The following PACRG variants were observed in gnomAD, a reference collection of about 807,000 sequenced individuals.
PACRG encodes parkin coregulated gene protein.
In PACRG, 29 loss-of-function variants were observed where a neutral mutation model predicts 29.7. The ratio of observed to expected loss-of-function variants is 0.98; its 90% CI spans 0.73 to 1.33. PACRG has a LOEUF of 1.33. PACRG is among the 40% of genes most tolerant of loss of function. The pLI, the probability that PACRG is intolerant of heterozygous loss-of-function variation, is 0.00. For missense variants in PACRG, 279 were observed against 316.2 expected (o/e 0.88, Z 0.89); for synonymous variants, 116 against 118.7 (o/e 0.98, Z 0.15).
At chr6:162,824,482 G>A (rs778601967) in intron 2 of PACRG, among the ~76,000 whole-genome samples, 6 of 152,086 alleles carry the variant, frequency 3.9e-5, no homozygotes, top group Non-Finnish European at 8.8e-5. Flanking sequence ...TTTTCTGCCT[G>A]CACATTTGTT....
Position 162,814,241 on chromosome 6 carries a change from C to T in PACRG, c.251C>T (p.Ala84Val). 6.2e-6 allele frequency: 10 copies of T among 1,613,910 alleles called. No individual in the cohort carries two copies. The highest frequency in any genetic ancestry group is 8.5e-6 in the Non-Finnish European group (10 of 1,179,888). Residue 84 changes from alanine to valine, a missense_variant, in exon 2 of 5, where the codon GCC becomes GTC. Coordinates refer to ENST00000366888, the MANE Select transcript of PACRG (RefSeq NM_001080379.2). ...KFYERGDFPI[A>V]LEHDSKGNKI... The stretch of plus-strand genomic sequence containing the variant: ...TATGAGCGAGGTGACTTCCCAATTG[C>T]CCTTGAGCATGATTCGAAAGGAAAC...
At chr6:163,311,586 A>AC (rs1315556695) in intron 4 of PACRG, among the ~76,000 whole-genome samples, 1 of 152,170 alleles carries the variant, frequency 6.6e-6, no homozygotes, top group Non-Finnish European at 1.5e-5. Context: ...ACATAGTTAG[A>AC]CCCCAAACCG....
At chr6:162,772,168 A>G (rs1447525455) in intron 1 of PACRG, among the ~76,000 whole-genome samples, 1 of 152,246 alleles carries the variant, frequency 6.6e-6, no homozygotes, top group Non-Finnish European at 1.5e-5. Context: ...AATACTGTGT[A>G]GGCATGACAG....
chr6:163,038,630 G>A (rs754626839), intron 2 of PACRG, among the ~76,000 whole-genome samples: 3 of 152,146 alleles, frequency 2.0e-5, no homozygotes, highest in Non-Finnish European at 4.4e-5. Context: ...TCATGAATTG[G>A]TATGAAATGT....
At chr6:162,758,079 A>G (rs762268623) in intron 1 of PACRG, among the ~76,000 whole-genome samples, 4 of 152,188 alleles carry the variant, frequency 2.6e-5, no homozygotes, top group Non-Finnish European at 5.9e-5. Context: ...TATTAATTTT[A>G]TGGATGGAAA....
intron 2 of PACRG, among the ~76,000 whole-genome samples, chr6:162,821,957 G>A (rs1180837716): frequency 6.6e-6 from 1 of 152,190 alleles, no homozygotes; most frequent in African/African-American, 2.4e-5. Context: ...CCTTTGAGTA[G>A]TCAAAGTATC....
chr6:163,149,131 C>G (rs1022497927), intron 4 of PACRG, among the ~76,000 whole-genome samples: 1 of 152,062 alleles, frequency 6.6e-6, no homozygotes, highest in African/African-American at 2.4e-5. Flanking sequence ...GCTCCTGCCC[C>G]GGCCCTGCCA....
chr6:163,142,906 T>C (rs1047665543), intron 4 of PACRG, among the ~76,000 whole-genome samples: 6 of 152,070 alleles, frequency 3.9e-5, no homozygotes, highest in Non-Finnish European at 7.4e-5. Flanking sequence ...ACTCTGAAGA[T>C]CATGAAAAAT....
At chr6:162,771,724 A>G (rs1474853188) in intron 1 of PACRG, among the ~76,000 whole-genome samples, 1 of 152,208 alleles carries the variant, frequency 6.6e-6, no homozygotes, top group African/African-American at 2.4e-5. Context: ...ATTTTTAAAA[A>G]TAGAGTAATT....
At chr6:162,758,757 T>A (rs1782125879) in intron 1 of PACRG, among the ~76,000 whole-genome samples, 1 of 152,176 alleles carries the variant, frequency 6.6e-6, no homozygotes, top group Admixed American at 6.5e-5. Flanking sequence ...AATAATCTAT[T>A]CAAAACACTA....
intron 4 of PACRG, among the ~76,000 whole-genome samples, chr6:163,278,879 T>C (rs1415049842): frequency 6.6e-6 from 1 of 152,166 alleles, no homozygotes; most frequent in East Asian, 1.9e-4. Flanking sequence ...AGAATGATGG[T>C]GGTATTTTGA....
intron 4 of PACRG, among the ~76,000 whole-genome samples, chr6:163,175,856 G>A (rs1779329459): frequency 6.6e-6 from 1 of 152,000 alleles, no homozygotes; most frequent in South Asian, 2.1e-4. Context: ...TTTGCCTCTG[G>A]GTCATAGTGG....
chr6:162,914,508 G>GTTTTTTTTTTTTTTTTTTTTTCTTTTT (rs1796553972), intron 2 of PACRG, among the ~76,000 whole-genome samples: 1 of 95,098 alleles, frequency 1.1e-5, no homozygotes, highest in Non-Finnish European at 2.1e-5. Context: ...GTACTTTTTT[G>GTTTTTTTTTTTTTTTTTTTTTCTTTTT]TTTTTTTTTT....
intron 2 of PACRG, among the ~76,000 whole-genome samples, chr6:162,925,353 C>T (rs1797357558): frequency 6.6e-6 from 1 of 152,036 alleles, no homozygotes; most frequent in Admixed American, 6.6e-5. Flanking sequence ...CTGGCAGAGA[C>T]ACAACAAAAA....
chr6:163,232,325 G>T (rs1272000983), intron 4 of PACRG, among the ~76,000 whole-genome samples: 1 of 152,204 alleles, frequency 6.6e-6, no homozygotes, highest in South Asian at 2.1e-4. Flanking sequence ...CTCCGCTGCT[G>T]CAATGTGCCC....
At chr6:163,084,218 A>G (rs2128294571) in intron 3 of PACRG, among the ~76,000 whole-genome samples, 1 of 152,316 alleles carries the variant, frequency 6.6e-6, no homozygotes, top group South Asian at 2.1e-4. Flanking sequence ...TGTCTTGACA[A>G]TAGCTTTCAG....
rs992433512 is a variant in PACRG, at chr6:162,816,216, T to C, written c.291+1935T>C. On this transcript the variant is annotated intron_variant, in intron 2 of 4. Transcript: ENST00000366888. ...TAAAAAGAAGAAACAATTTCTTTGC[T>C]GTCACTGGTAGTATAATAGCATAAA... Among the ~76,000 whole-genome samples the C allele has an allele frequency of 7.2e-5, 11 of 152,222 alleles. 1 individual carries two copies. The highest frequency in any genetic ancestry group is 2.7e-4 in the African/African-American group (11 of 41,470).
intron 2 of PACRG, among the ~76,000 whole-genome samples, chr6:163,022,943 AT>A (rs550315188): frequency 2.6e-5 from 4 of 152,056 alleles, no homozygotes; most frequent in African/African-American, 9.6e-5. Flanking sequence ...ACATTTCCTA[AT>A]TTTTTTTCAT....
chr6:163,251,012 G>A (rs1212115560), intron 4 of PACRG, among the ~76,000 whole-genome samples: 3 of 151,676 alleles, frequency 2.0e-5, no homozygotes, highest in Non-Finnish European at 4.4e-5. Flanking sequence ...ACTCAGGAAT[G>A]GAAAACCAAG....
Sources: gnomAD v4.1 joint callset for allele counts (sites outside exome capture counted in the v4.1 genomes callset) on GRCh38, gnomAD v4.1.1 for gene constraint, MANE v1.5 for transcripts, NCBI Gene and HGNC (gene_info 2026-07-23, HGNC 2026-07-21) for gene names.